Variants in SRGAP1 observed in about 807,000 individuals in gnomAD.
SRGAP1 encodes SLIT-ROBO Rho GTPase-activating protein 1.
SRGAP1 carries 43 observed loss-of-function variants against 121.9 expected under a neutral mutation model. The observed-to-expected ratio is 0.35, with a 90% CI of 0.28 to 0.46. The LOEUF (loss-of-function observed/expected upper bound fraction) is 0.46, where lower values mean the gene tolerates loss of function less well. Ranked by LOEUF, SRGAP1 falls within the 20% of genes least tolerant of loss-of-function variation. The pLI is 1.00. For synonymous variants in SRGAP1, 447 were observed against 485.4 expected (o/e 0.92, Z 1.04); for missense variants, 1,102 against 1,350.9 (o/e 0.82, Z 2.89).
intron 8 of SRGAP1, among the ~76,000 whole-genome samples, chr12:64,073,609 T>C (rs1252431282): frequency 6.6e-6 from 1 of 152,204 alleles, no homozygotes; most frequent in Non-Finnish European, 1.5e-5. Context: ...TTAAATCATC[T>C]CTAGATTACT....
intron 4 of SRGAP1, among the ~76,000 whole-genome samples, chr12:64,030,166 A>T (rs1469809995): frequency 6.6e-6 from 1 of 152,240 alleles, no homozygotes; most frequent in Non-Finnish European, 1.5e-5. Context: ...GAACTAATGA[A>T]CTAGCATAAA....
intron 6 of SRGAP1, among the ~76,000 whole-genome samples, chr12:64,052,030 T>G (rs1194811240): frequency 2.0e-5 from 3 of 152,170 alleles, no homozygotes; most frequent in Non-Finnish European, 2.9e-5. Context: ...ATATTAGATA[T>G]CAGAACTCTA....
At chr12:63,902,432 G>C (rs2029978863) in intron 1 of SRGAP1, among the ~76,000 whole-genome samples, 1 of 152,114 alleles carries the variant, frequency 6.6e-6, no homozygotes, top group African/African-American at 2.4e-5. Flanking sequence ...TTAATCTCCA[G>C]GGTGTTTCAG....
chr12:63,985,187 A>G (rs1338227532), intron 2 of SRGAP1, among the ~76,000 whole-genome samples: 1 of 152,158 alleles, frequency 6.6e-6, no homozygotes, highest in African/African-American at 2.4e-5. Flanking sequence ...AGTGGCATCT[A>G]AGCAAAGACC....
In SRGAP1 at chr12:64,065,171, C is replaced by T. The variant is rs199557821; in HGVS notation, c.1077C>T (p.Tyr359=). 1 of 1,613,638 alleles carries T rather than the reference C, an allele frequency of 6.2e-7. No homozygotes were observed. The highest frequency in any genetic ancestry group is 1.3e-5 in the African/African-American group (1 of 74,992). The change falls in exon 8 of 22, where the codon TAC becomes TAT. Residue 359 remains tyrosine, a synonymous_variant. Transcript: ENST00000355086. ...TCCAGGCAGAGCTCATGCTCAGGTA[C>T]CAACAGTTGCAGTCCCGCCTTGCCA... ...QPVQAELMLR[Y]QQLQSRLATL...
chr12:63,940,403 A>T (rs1424268532), intron 1 of SRGAP1, among the ~76,000 whole-genome samples: 1 of 115,272 alleles, frequency 8.7e-6, no homozygotes, highest in Non-Finnish European at 1.9e-5. Context: ...TCCCCTACTT[A>T]AAAAAAAAAA....
chr12:63,896,903 C>T (rs180871692), intron 1 of SRGAP1, among the ~76,000 whole-genome samples: 16 of 152,200 alleles, frequency 1.1e-4, no homozygotes, highest in Non-Finnish European at 2.2e-4. Context: ...AGTTCTGTGA[C>T]GAAATTACAT....
intron 15 of SRGAP1, among the ~76,000 whole-genome samples, chr12:64,101,565 T>G (rs1367167760): frequency 6.6e-6 from 1 of 152,198 alleles, no homozygotes; most frequent in Non-Finnish European, 1.5e-5. Flanking sequence ...AAATTTGAAG[T>G]GGCAAACTTG....
intron 4 of SRGAP1, among the ~76,000 whole-genome samples, chr12:64,040,025 G>A (rs1593068473): frequency 6.6e-6 from 1 of 152,036 alleles, no homozygotes; most frequent in South Asian, 2.1e-4. Flanking sequence ...CCTTTAACAT[G>A]ATTTACCAGC....
intron 8 of SRGAP1, 121 bp downstream of exon 8, chr12:64,065,340 G>T: frequency 1.2e-6 from 1 of 844,146 alleles, no homozygotes. Flanking sequence ...CGTATTTCCT[G>T]CTCTCAGGGT....
At chr12:64,123,149 T>C (rs1216314318) in intron 18 of SRGAP1, among the ~76,000 whole-genome samples, 1 of 152,228 alleles carries the variant, frequency 6.6e-6, no homozygotes, top group South Asian at 2.1e-4. Flanking sequence ...AATACAAATA[T>C]GTGGGTGTGT....
chr12:64,072,502 T>C (rs765857896), intron 8 of SRGAP1, among the ~76,000 whole-genome samples: 23 of 152,062 alleles, frequency 1.5e-4, no homozygotes, highest in Non-Finnish European at 1.9e-4. Flanking sequence ...GTGAGGTCAA[T>C]ATGACTGGTG....
At chr12:64,132,248 A>G (rs972483710) in intron 21 of SRGAP1, among the ~76,000 whole-genome samples, 3 of 152,196 alleles carry the variant, frequency 2.0e-5, no homozygotes, top group African/African-American at 7.2e-5. Context: ...CTCCGCTGTG[A>G]TTCACCTATG....
At chr12:63,923,034 CT>C (rs1275026769) in intron 1 of SRGAP1, among the ~76,000 whole-genome samples, 1 of 152,220 alleles carries the variant, frequency 6.6e-6, no homozygotes, top group African/African-American at 2.4e-5. Context: ...TGGGAACTCA[CT>C]GTTGGTACAA....
intron 1 of SRGAP1, among the ~76,000 whole-genome samples, chr12:63,873,531 C>T (rs11175196): frequency 4.7e-5 from 6 of 128,972 alleles, no homozygotes; most frequent in Non-Finnish European, 9.6e-5. Flanking sequence ...GAAAATCCGT[C>T]TCAAAAAAAA....
At chr12:64,122,424 C>T (rs1040114473) in intron 18 of SRGAP1, among the ~76,000 whole-genome samples, 3 of 152,152 alleles carry the variant, frequency 2.0e-5, no homozygotes, top group Non-Finnish European at 4.4e-5. Context: ...TTGATTGACA[C>T]TTGACTGTGA....
intron 6 of SRGAP1, among the ~76,000 whole-genome samples, chr12:64,056,990 TTCTC>T (rs1286965059): frequency 6.6e-6 from 1 of 152,192 alleles, no homozygotes; most frequent in Non-Finnish European, 1.5e-5. Flanking sequence ...GGTTTGCTCA[TTCTC>T]TCTCCTCTCT....
Position 64,075,817 on chromosome 12 carries a change from T to C in SRGAP1, c.1126-3102T>C, listed in dbSNP as rs867236021. Among the ~76,000 whole-genome samples, 3 of 152,190 alleles carry C rather than the reference T, an allele frequency of 2.0e-5. No homozygotes were observed. The South Asian group carries it at 6.2e-4, about 32-fold the overall frequency. On this transcript the variant is annotated intron_variant, in intron 8 of 21. Coordinates refer to ENST00000355086, the MANE Select transcript of SRGAP1 (RefSeq NM_020762.4). The stretch of plus-strand genomic sequence containing the variant: ...CCAGGAATGATTATTGTCTATTAAA[T>C]TTCTTTCCCTTCTTTTTTTAATATT...
intron 1 of SRGAP1, among the ~76,000 whole-genome samples, chr12:63,857,889 T>C (rs1296499037): frequency 6.6e-6 from 1 of 152,250 alleles, no homozygotes; most frequent in Non-Finnish European, 1.5e-5. Flanking sequence ...TTGGCATTCT[T>C]GTTTTCCATT....
Sources: allele counts gnomAD v4.1 joint callset (sites outside exome capture counted in the v4.1 genomes callset), GRCh38; gene constraint gnomAD v4.1.1; transcripts MANE v1.5; gene names NCBI Gene and HGNC (gene_info 2026-07-23, HGNC 2026-07-21).